SPIN1: variants seen among roughly 807,000 people sequenced by gnomAD.
SPIN1 encodes the protein spindlin-1.
A neutral mutation model predicts 26.0 loss-of-function variants in SPIN1; 3 were observed. The ratio of observed to expected loss-of-function variants is 0.12; its 90% CI spans 0.05 to 0.30. The LOEUF (loss-of-function observed/expected upper bound fraction) is 0.30. SPIN1 is among the 10% of genes least tolerant of loss of function. The pLI is 1.00. For missense variants in SPIN1, 126 were observed against 333.4 expected, an observed-to-expected ratio of 0.38 and a Z score of 4.84; for synonymous variants, 101 against 116.5, an observed-to-expected ratio of 0.87 and a Z score of 0.86.
intron 3 of SPIN1, among the ~76,000 whole-genome samples, chr9:88,453,845 A>G (rs1043824350): frequency 6.6e-6 from 1 of 152,114 alleles, no homozygotes; most frequent in Non-Finnish European, 1.5e-5. Flanking sequence ...CACATCGGAG[A>G]ACTAAGTTAA....
chr9:88,466,235 T>G (rs1828665674), intron 4 of SPIN1, among the ~76,000 whole-genome samples: 1 of 152,206 alleles, frequency 6.6e-6, no homozygotes, highest in African/African-American at 2.4e-5. Flanking sequence ...CAGGGCTCAC[T>G]GCTGTCTCAA....
intron 1 of SPIN1, among the ~76,000 whole-genome samples, chr9:88,416,102 G>A (rs959788698): frequency 6.6e-6 from 1 of 151,982 alleles, no homozygotes; most frequent in Non-Finnish European, 1.5e-5. Context: ...AAGGTTTTGA[G>A]TTGTACTCTG....
chr9:88,416,975 AACCTGTCT>A (rs760969805), intron 1 of SPIN1, among the ~76,000 whole-genome samples: 4 of 152,250 alleles, frequency 2.6e-5, no homozygotes, highest in Non-Finnish European at 4.4e-5. Context: ...AGAATGACCT[AACCTGTCT>A]ACCTGATATC....
At chr9:88,438,777 A>G (rs1828059035) in intron 2 of SPIN1, among the ~76,000 whole-genome samples, 1 of 152,222 alleles carries the variant, frequency 6.6e-6, no homozygotes, top group African/African-American at 2.4e-5. Context: ...AACTCACGTG[A>G]TTCCACAATT....
At chr9:88,458,514 C>G (rs557697687) in intron 3 of SPIN1, among the ~76,000 whole-genome samples, 1 of 152,012 alleles carries the variant, frequency 6.6e-6, no homozygotes, top group Non-Finnish European at 1.5e-5. Context: ...GTGATTCTAG[C>G]CATTATCAGG....
At chr9:88,396,078 G>A (rs1437942914) in intron 1 of SPIN1, among the ~76,000 whole-genome samples, 3 of 150,644 alleles carry the variant, frequency 2.0e-5, no homozygotes, top group Non-Finnish European at 4.4e-5. Context: ...AAAAAAACCC[G>A]TCTCTACTAA....
chr9:88,408,977 GTGTT>G (rs1221767204), intron 1 of SPIN1, among the ~76,000 whole-genome samples: 15 of 124,748 alleles, frequency 1.2e-4, no homozygotes, highest in African/African-American at 3.8e-4. Context: ...GTGTTTGTGT[GTGTT>G]TGTGTGTGTG....
intron 4 of SPIN1, among the ~76,000 whole-genome samples, chr9:88,466,216 T>C (rs542975232): frequency 6.6e-5 from 10 of 152,272 alleles, no homozygotes; most frequent in Non-Finnish European, 1.2e-4. Flanking sequence ...TGGAGTATAG[T>C]GGTGTGATCA....
intron 5 of SPIN1, among the ~76,000 whole-genome samples, chr9:88,472,077 G>C (rs943085061): frequency 3.3e-5 from 5 of 152,128 alleles, no homozygotes; most frequent in Admixed American, 3.3e-4. Context: ...GGGATTACAG[G>C]TGTAAGCCAC....
chr9:88,401,843 A>C (rs1020906825), intron 1 of SPIN1, among the ~76,000 whole-genome samples: 1 of 152,216 alleles, frequency 6.6e-6, no homozygotes, highest in Non-Finnish European at 1.5e-5. Flanking sequence ...CCTTTGCCTA[A>C]AAATACTTTG....
At chr9:88,426,649 A>G in intron 2 of SPIN1, 58 bp downstream of exon 2, 1 of 1,483,036 alleles carries the variant, frequency 6.7e-7, no homozygotes, top group South Asian at 1.3e-5. Flanking sequence ...TTCATTTCAA[A>G]CAAGTGTAAA....
chr9:88,475,043 C>G, intron 5 of SPIN1, 35 bp from the exon 6 acceptor site: 1 of 1,320,700 alleles, frequency 7.6e-7, no homozygotes, highest in East Asian at 2.7e-5. Context: ...TTTTCTCTCT[C>G]TCTCTTTTTT....
chr9:88,431,887 A>G (rs1435354477), intron 2 of SPIN1, among the ~76,000 whole-genome samples: 1 of 152,004 alleles, frequency 6.6e-6, no homozygotes, highest in African/African-American at 2.4e-5. Context: ...CTTCTCTACA[A>G]AAAATTAGCT....
intron 3 of SPIN1, among the ~76,000 whole-genome samples, chr9:88,452,982 T>C (rs1036573698): frequency 5.9e-5 from 9 of 152,160 alleles, no homozygotes; most frequent in Admixed American, 5.2e-4. Context: ...TTGTGATTGT[T>C]GAAAATTTAA....
intron 2 of SPIN1, among the ~76,000 whole-genome samples, chr9:88,445,820 T>C (rs564839741): frequency 3.9e-5 from 6 of 152,030 alleles, no homozygotes; most frequent in Admixed American, 3.9e-4. Flanking sequence ...GGATTACAGG[T>C]GTGAGCCACC....
At chr9:88,459,641 G>A (rs10868781) in intron 3 of SPIN1, among the ~76,000 whole-genome samples, 28,266 of 152,082 alleles carry the variant, frequency 0.19, 3,477 homozygotes, top group African/African-American at 0.35. Context: ...TATCAGAACA[G>A]ATAACGGTTA....
chr9:88,426,126 G>A (rs938527388), intron 1 of SPIN1, among the ~76,000 whole-genome samples: 1 of 152,176 alleles, frequency 6.6e-6, no homozygotes, highest in African/African-American at 2.4e-5. Flanking sequence ...TTGTGTTCCA[G>A]TTGATCTTGG....
At chr9:88,411,019 A>G (rs1267025852) in intron 1 of SPIN1, 70 of 1,580,454 alleles carry the variant, frequency 4.4e-5, no homozygotes, top group Non-Finnish European at 5.8e-5. Context: ...TTACAAAGGC[A>G]AAGCCCCTTT....
At chr9:88,396,313 C>T (rs1827057038) in intron 1 of SPIN1, among the ~76,000 whole-genome samples, 1 of 151,562 alleles carries the variant, frequency 6.6e-6, no homozygotes, top group Admixed American at 6.6e-5. Context: ...TAAATGGTGG[C>T]CAGGTGGGTG....
Sources: gnomAD v4.1 joint callset for allele counts (sites outside exome capture counted in the v4.1 genomes callset) on GRCh38, gnomAD v4.1.1 for gene constraint, MANE v1.5 for transcripts, NCBI Gene and HGNC (gene_info 2026-07-23, HGNC 2026-07-21) for gene names.